SYNDIG1: variants seen among roughly 807,000 people sequenced by gnomAD.
SYNDIG1 encodes synapse differentiation-inducing gene protein 1.
In SYNDIG1, 9 loss-of-function variants were observed where a neutral mutation model predicts 19.4. The observed-to-expected ratio is 0.46, with a 90% CI of 0.28 to 0.81. SYNDIG1 has a LOEUF of 0.81. SYNDIG1 is among the 30% of genes least tolerant of loss of function. The pLI, the probability that SYNDIG1 is intolerant of heterozygous loss-of-function variation, is 0.12. For missense variants in SYNDIG1, 311 were observed against 343.3 expected (o/e 0.91, Z 0.74); for synonymous variants, 141 against 145.9 (o/e 0.97, Z 0.24).
chr20:24,498,601 G>C (rs2146357961), intron 1 of SYNDIG1, among the ~76,000 whole-genome samples: 1 of 152,246 alleles, frequency 6.6e-6, no homozygotes, highest in East Asian at 1.9e-4. Context: ...CATATATGTA[G>C]ATGTGTCCTT....
At chr20:24,654,252 GA>G (rs376549195) in intron 3 of SYNDIG1, among the ~76,000 whole-genome samples, 207 of 145,450 alleles carry the variant, frequency 1.4e-3, no homozygotes, top group African/African-American at 4.4e-3. Context: ...CTCTACCATG[GA>G]AAAAAAAAAA....
chr20:24,537,476 C>T (rs997541832), intron 1 of SYNDIG1, among the ~76,000 whole-genome samples: 1 of 152,128 alleles, frequency 6.6e-6, no homozygotes, highest in African/African-American at 2.4e-5. Flanking sequence ...GTATGGTATA[C>T]ACTCCTCCCT....
intron 3 of SYNDIG1, among the ~76,000 whole-genome samples, chr20:24,662,882 A>G (rs767001586): frequency 1.2e-4 from 19 of 152,122 alleles, no homozygotes; most frequent in Non-Finnish European, 2.6e-4. Flanking sequence ...CAGCTCAGAG[A>G]CTCTTGGACT....
At chr20:24,588,437 G>T (rs528919128) in intron 3 of SYNDIG1, among the ~76,000 whole-genome samples, 1 of 152,252 alleles carries the variant, frequency 6.6e-6, no homozygotes, top group Non-Finnish European at 1.5e-5. Context: ...CAGCGCTGGA[G>T]CCATGCACCC....
chr20:24,545,359 G>C (rs569597582), intron 2 of SYNDIG1, among the ~76,000 whole-genome samples: 14 of 152,272 alleles, frequency 9.2e-5, no homozygotes, highest in Non-Finnish European at 4.4e-5. Flanking sequence ...GAGCATGCTT[G>C]GCTTCTGTTC....
At position 24,529,795 on chromosome 20, in the gene SYNDIG1, T is replaced by C. The variant is rs2057203589; in HGVS notation, c.-78-13225T>C. Reference sequence around the variant, plus strand: ...ACAGTTTCAGTGGTGGGGACGGTGATAGTGGTACTCCTGCTGATGGTGTCA... The same window carrying C: ...ACAGTTTCAGTGGTGGGGACGGTGACAGTGGTACTCCTGCTGATGGTGTCA... On this transcript the variant is annotated intron_variant, in intron 1 of 3. Coordinates refer to ENST00000376862, the MANE Select transcript of SYNDIG1 (RefSeq NM_024893.3). Among the ~76,000 whole-genome samples the C allele has an allele frequency of 2.0e-5, 3 of 148,818 alleles. No homozygotes were observed. The South Asian group carries it at 6.5e-4, about 32-fold the overall frequency.
At chr20:24,580,933 G>A (rs143045803) in intron 2 of SYNDIG1, among the ~76,000 whole-genome samples, 198 of 152,254 alleles carry the variant, frequency 1.3e-3, no homozygotes, top group African/African-American at 4.5e-3. Context: ...TACGTGGTCC[G>A]GGTCAACGGT....
chr20:24,485,673 G>A (rs781589800), intron 1 of SYNDIG1, among the ~76,000 whole-genome samples: 14 of 152,260 alleles, frequency 9.2e-5, no homozygotes, highest in Non-Finnish European at 1.2e-4. Flanking sequence ...TGTATACAAC[G>A]TAGAAATGGT....
chr20:24,512,954 CATTTGCTGTTCTGCAAT>C (rs576050408), intron 1 of SYNDIG1, among the ~76,000 whole-genome samples: 1,566 of 152,254 alleles, frequency 0.01, 29 homozygotes, highest in African/African-American at 0.036. Flanking sequence ...CAGGAAGCAA[CATTTGCTGTTCTGCAAT>C]ATTTGCTGTT....
intron 1 of SYNDIG1, among the ~76,000 whole-genome samples, chr20:24,517,645 T>TAC (rs1264096379): frequency 2.1e-5 from 3 of 144,478 alleles, no homozygotes; most frequent in African/African-American, 5.1e-5. Context: ...TATATATATA[T>TAC]ACACATATAT....
chr20:24,522,148 C>G (rs2057018908), intron 1 of SYNDIG1, among the ~76,000 whole-genome samples: 1 of 152,102 alleles, frequency 6.6e-6, no homozygotes, highest in African/African-American at 2.4e-5. Flanking sequence ...GATCATAGCT[C>G]ACTGCAGCCT....
At chr20:24,634,638 T>A (rs1250921488) in intron 3 of SYNDIG1, among the ~76,000 whole-genome samples, 1 of 152,174 alleles carries the variant, frequency 6.6e-6, no homozygotes, top group African/African-American at 2.4e-5. Flanking sequence ...ATGTGTGTTA[T>A]TTTTTTTCCT....
intron 3 of SYNDIG1, among the ~76,000 whole-genome samples, chr20:24,600,771 C>T (rs1047669527): frequency 2.5e-4 from 38 of 152,130 alleles, no homozygotes; most frequent in African/African-American, 7.9e-4. Flanking sequence ...CCCGCCACCA[C>T]GCCTGGCTAA....
intron 2 of SYNDIG1, among the ~76,000 whole-genome samples, chr20:24,554,048 A>C (rs1262696095): frequency 6.6e-6 from 1 of 152,076 alleles, no homozygotes. Context: ...TGGATTCCTA[A>C]GTATTTTATT....
chr20:24,512,591 G>A (rs2056772812), intron 1 of SYNDIG1, among the ~76,000 whole-genome samples: 1 of 152,164 alleles, frequency 6.6e-6, no homozygotes, highest in South Asian at 2.1e-4. Context: ...GAGGCTGGGG[G>A]AGGGGCGCCT....
chr20:24,470,464 C>A (rs982827157), intron 1 of SYNDIG1, among the ~76,000 whole-genome samples: 1 of 152,196 alleles, frequency 6.6e-6, no homozygotes, highest in Non-Finnish European at 1.5e-5. Context: ...AGCCTGCAGC[C>A]CTGGGAGCCA....
intron 1 of SYNDIG1, among the ~76,000 whole-genome samples, chr20:24,482,962 G>T (rs1215552737): frequency 3.3e-5 from 5 of 152,196 alleles, no homozygotes; most frequent in African/African-American, 1.2e-4. Flanking sequence ...AACTTCCATG[G>T]TTTTAATTTT....
At position 24,504,545 on chromosome 20, in the gene SYNDIG1, T is replaced by TCGGAGGCTGCCTGGGGGCTGGGAC. The variant is rs1428062791; in HGVS notation, c.-79+34794_-79+34817dup. ...CTGGCTCTAGGTCTCCATCTGTGGC[T>TCGGAGGCTGCCTGGGGGCTGGGAC]CGGAGGCTGCCTGGGGGCTGGGACC... On this transcript the variant is annotated intron_variant, in intron 1 of 3. Coordinates refer to ENST00000376862, the MANE Select transcript of SYNDIG1 (RefSeq NM_024893.3). Among the ~76,000 whole-genome samples the TCGGAGGCTGCCTGGGGGCTGGGAC allele has an allele frequency of 7.0e-4, 107 of 152,266 alleles. 1 individual carries two copies. The highest frequency in any genetic ancestry group is 2.5e-3 in the African/African-American group (104 of 41,548).
intron 3 of SYNDIG1, among the ~76,000 whole-genome samples, chr20:24,625,617 C>T (rs951960310): frequency 9.9e-5 from 15 of 151,740 alleles, no homozygotes; most frequent in African/African-American, 1.5e-4. Flanking sequence ...CATCTTGCAC[C>T]GCCCTTAATC....
Sources: gnomAD v4.1 joint callset for allele counts (sites outside exome capture counted in the v4.1 genomes callset) on GRCh38, gnomAD v4.1.1 for gene constraint, MANE v1.5 for transcripts, NCBI Gene and HGNC (gene_info 2026-07-23, HGNC 2026-07-21) for gene names.